Variants in LDLRAD3 observed in about 807,000 individuals in gnomAD.
LDLRAD3 encodes the protein low density lipoprotein receptor class A domain containing 3, also known as low-density lipoprotein receptor class A domain-containing protein 3.
Under a neutral mutation model 29.4 loss-of-function variants are expected in LDLRAD3, and 20 were observed. That is an observed-to-expected ratio of 0.68 (90% CI 0.48 to 0.99). The LOEUF is 0.99. LDLRAD3 is among the 50% of genes least tolerant of loss of function. The probability of loss-of-function intolerance (pLI) is 0.00; values close to 1 mark genes in which losing one functional copy is unlikely to be tolerated. For missense variants in LDLRAD3, 420 were observed against 454.3 expected (o/e 0.92, Z 0.69); for synonymous variants, 157 against 192.7 (o/e 0.81, Z 1.53).
At chr11:36,098,490 A>G (rs751104676) in intron 4 of LDLRAD3, 29 bp downstream of exon 4, 11 of 1,613,374 alleles carry the variant, frequency 6.8e-6, no homozygotes, top group Middle Eastern at 1.6e-4. Context: ...CTAAAAAGAT[A>G]ATTGCAACAC....
chr11:35,954,955 T>C lies in LDLRAD3; in HGVS notation c.46+10811T>C, dbSNP rs371285763. On this transcript the variant is annotated intron_variant, in intron 1 of 5. Coordinates refer to ENST00000315571, the MANE Select transcript of LDLRAD3 (RefSeq NM_174902.4). ...AAGAGGAAATAAATTAAAGCAGGTC[T>C]GTTTTATAAAATAACAGTATTAGGC... 8.7e-4 allele frequency among the ~76,000 whole-genome samples: 133 copies of C among 152,332 alleles called. 1 individual carries two copies. Among genetic ancestry groups the C allele is most frequent in the African/African-American group, 3.1e-3 (129 of 41,596 alleles).
chr11:36,078,732 C>G (rs79081340), intron 2 of LDLRAD3, among the ~76,000 whole-genome samples: 4,592 of 152,252 alleles, frequency 0.03, 226 homozygotes, highest in African/African-American at 0.1. Context: ...TGCCCTGGGC[C>G]CAGCTCTGCC....
chr11:36,043,902 C>T (rs1852414078), intron 2 of LDLRAD3, among the ~76,000 whole-genome samples: 1 of 152,204 alleles, frequency 6.6e-6, no homozygotes, highest in Non-Finnish European at 1.5e-5. Context: ...AATGAAAAGA[C>T]ATGCTCTTTC....
intron 1 of LDLRAD3, among the ~76,000 whole-genome samples, chr11:35,964,570 G>C (rs913497420): frequency 1.3e-5 from 2 of 152,216 alleles, no homozygotes; most frequent in Admixed American, 1.3e-4. Flanking sequence ...GCTGTCGTCT[G>C]TCTGAGTGTA....
intron 4 of LDLRAD3, among the ~76,000 whole-genome samples, chr11:36,206,052 T>C (rs570560696): frequency 1.3e-5 from 2 of 152,342 alleles, no homozygotes; most frequent in South Asian, 2.1e-4. Context: ...CAACTTTTGG[T>C]CTGGAGTTAT....
chr11:36,037,784 CT>C (rs1388721979), intron 2 of LDLRAD3, among the ~76,000 whole-genome samples: 1 of 152,172 alleles, frequency 6.6e-6, no homozygotes, highest in Admixed American at 6.5e-5. Flanking sequence ...TGCTCCTGCC[CT>C]TCAGAGAAGT....
At chr11:36,188,204 G>T (rs1854883075) in intron 4 of LDLRAD3, among the ~76,000 whole-genome samples, 1 of 151,892 alleles carries the variant, frequency 6.6e-6, no homozygotes, top group Non-Finnish European at 1.5e-5. Context: ...GGAAGTCCAG[G>T]TGCCTTCAAT....
At chr11:36,197,753 A>G (rs1326566151) in intron 4 of LDLRAD3, 2 of 152,246 alleles carry the variant, frequency 1.3e-5, no homozygotes, top group African/African-American at 4.8e-5. Flanking sequence ...CATACACTGA[A>G]TAAAAGACTA....
chr11:35,983,134 G>A lies in LDLRAD3; in HGVS notation c.46+38990G>A, dbSNP rs551528515. ...CTCCCAAGGTGTTGGGATTACAGGC[G>A]TGAGCCACCGCTCCTGGCCAGTTGC... On this transcript the variant is annotated intron_variant, in intron 1 of 5. Transcript: ENST00000315571. Among the ~76,000 whole-genome samples the A allele has an allele frequency of 2.0e-4, 30 of 152,276 alleles. No homozygotes were observed. The South Asian group carries it at 2.7e-3, about 14-fold the overall frequency.
chr11:36,098,189 A>AT, intron 3 of LDLRAD3, 138 bp from the exon 4 acceptor site: 1 of 1,031,970 alleles, frequency 9.7e-7, no homozygotes, highest in East Asian at 2.5e-5. Flanking sequence ...GCCTTACAGC[A>AT]TGGGCTTTGA....
At chr11:36,058,187 C>T (rs940810855) in intron 2 of LDLRAD3, among the ~76,000 whole-genome samples, 1 of 152,224 alleles carries the variant, frequency 6.6e-6, no homozygotes, top group African/African-American at 2.4e-5. Context: ...CTCCTTCCCT[C>T]CTGCTCTCCG....
rs80167756 is a variant in LDLRAD3 at position 36,037,668 on chromosome 11, C to T, written c.193+1419C>T. Among the ~76,000 whole-genome samples, 1,322 of 152,196 alleles carry T rather than the reference C, an allele frequency of 8.7e-3. 14 individuals are homozygous for T. Among genetic ancestry groups the T allele is most frequent in the African/African-American group, 0.03 (1,239 of 41,522 alleles). Reference sequence around the variant, plus strand: ...CAGAATTTGGGGCCGAGTCTGTTGACGCATGGGAACGGGCACTGGCTTTGG... The same window carrying T: ...CAGAATTTGGGGCCGAGTCTGTTGATGCATGGGAACGGGCACTGGCTTTGG... On this transcript the variant is annotated intron_variant, in intron 2 of 5. Coordinates refer to ENST00000315571, the MANE Select transcript of LDLRAD3 (RefSeq NM_174902.4).
chr11:36,093,219 A>C (rs1565216976), intron 3 of LDLRAD3, among the ~76,000 whole-genome samples: 1 of 152,218 alleles, frequency 6.6e-6, no homozygotes, highest in Non-Finnish European at 1.5e-5. Flanking sequence ...AACATACTGA[A>C]AAGGAAAAGT....
chr11:36,188,000 T>A (rs1021491330), intron 4 of LDLRAD3, among the ~76,000 whole-genome samples: 2 of 152,134 alleles, frequency 1.3e-5, no homozygotes, highest in African/African-American at 4.8e-5. Context: ...TGAAAGTACA[T>A]AGGTTGGTGG....
At chr11:36,134,844 T>G (rs1853981055) in intron 4 of LDLRAD3, among the ~76,000 whole-genome samples, 1 of 152,216 alleles carries the variant, frequency 6.6e-6, no homozygotes, top group African/African-American at 2.4e-5. Context: ...AAGTTGGTGG[T>G]GGGTGCTGCC....
At chr11:36,181,081 C>A (rs969198288) in intron 4 of LDLRAD3, among the ~76,000 whole-genome samples, 3 of 152,030 alleles carry the variant, frequency 2.0e-5, no homozygotes, top group Non-Finnish European at 2.9e-5. Context: ...TGACTCTTGT[C>A]CCCGTGTGTG....
intron 3 of LDLRAD3, among the ~76,000 whole-genome samples, chr11:36,093,001 G>A (rs925037520): frequency 5.9e-5 from 9 of 152,190 alleles, no homozygotes; most frequent in African/African-American, 1.7e-4. Flanking sequence ...TCATTGACAA[G>A]GTGGAATGCT....
In LDLRAD3 at chr11:36,213,757, C is replaced by T. The variant is rs1310953082; in HGVS notation, c.455-13328C>T. ...GTGGACGAATGAATTGTGGACCCAG[C>T]CAGACTCCCCTCCATCGCATCACAG... is the stretch of plus-strand genomic sequence containing the variant. On this transcript the variant is annotated intron_variant, in intron 4 of 5. Transcript: ENST00000315571. This position sits in a 1 kb window ranked among gnomAD's most constrained non-coding sequence, Gnocchi z 4.1. Among the ~76,000 whole-genome samples, 2 of 152,204 alleles carry T rather than the reference C, an allele frequency of 1.3e-5. No homozygotes were observed. Among genetic ancestry groups the T allele is most frequent in the Non-Finnish European group, 1.5e-5 (1 of 68,046 alleles).
At chr11:36,136,433 A>G (rs1854005019) in intron 4 of LDLRAD3, among the ~76,000 whole-genome samples, 1 of 151,962 alleles carries the variant, frequency 6.6e-6, no homozygotes, top group Non-Finnish European at 1.5e-5. Flanking sequence ...GCCTGGTGGG[A>G]GGTGTTTGGA....
Sources: allele counts gnomAD v4.1 joint callset (sites outside exome capture counted in the v4.1 genomes callset), GRCh38; gene constraint gnomAD v4.1.1; non-coding constraint Gnocchi (gnomAD v3.1); transcripts MANE v1.5; gene names NCBI Gene and HGNC (gene_info 2026-07-23, HGNC 2026-07-21).